The following ANKS1B variants were observed in gnomAD, a reference collection of about 807,000 sequenced individuals.
ANKS1B encodes ankyrin repeat and sterile alpha motif domain containing 1B, also known as ankyrin repeat and sterile alpha motif domain-containing protein 1B.
Under a neutral mutation model 148.3 loss-of-function variants are expected in ANKS1B, and 36 were observed. That is an observed-to-expected ratio of 0.24 (90% CI 0.19 to 0.32). The LOEUF (loss-of-function observed/expected upper bound fraction) is 0.32. ANKS1B is among the 10% of genes least tolerant of loss of function. The probability of loss-of-function intolerance (pLI) is 1.00; values close to 1 mark genes in which losing one functional copy is unlikely to be tolerated. For synonymous variants in ANKS1B, 542 were observed against 560.8 expected, an observed-to-expected ratio of 0.97 and a Z score of 0.47; for missense variants, 1,157 against 1,542.6, an observed-to-expected ratio of 0.75 and a Z score of 4.19.
chr12:99,836,210 GAC>G (rs1380605644), intron 1 of ANKS1B, among the ~76,000 whole-genome samples: 4 of 152,030 alleles, frequency 2.6e-5, no homozygotes, highest in Admixed American at 6.6e-5. Context: ...AACACATACA[GAC>G]ACATACACAC....
At chr12:99,225,677 T>C (rs1601839697) in intron 14 of ANKS1B, among the ~76,000 whole-genome samples, 1 of 152,248 alleles carries the variant, frequency 6.6e-6, no homozygotes, top group Non-Finnish European at 1.5e-5. Context: ...GAATGCTTCC[T>C]GCCCTGAAAC....
At chr12:99,678,236 C>T (rs1226207889) in intron 8 of ANKS1B, among the ~76,000 whole-genome samples, 1 of 152,148 alleles carries the variant, frequency 6.6e-6, no homozygotes, top group African/African-American at 2.4e-5. Context: ...TGTTAAATTA[C>T]AAAATGATAC....
chr12:99,073,726 G>C (rs2046975469), intron 16 of ANKS1B, among the ~76,000 whole-genome samples: 1 of 152,134 alleles, frequency 6.6e-6, no homozygotes. Context: ...TAAAAGGAAG[G>C]CCGATTTTAT....
chr12:98,738,425 G>A (rs992979200), intron 9 of ANKS1B, among the ~76,000 whole-genome samples: 40 of 152,248 alleles, frequency 2.6e-4, no homozygotes, highest in African/African-American at 9.6e-4. Context: ...CAGAGCAACC[G>A]ATCAAACTGG....
At chr12:99,487,659 ATTG>A (rs2096510281) in intron 10 of ANKS1B, among the ~76,000 whole-genome samples, 1 of 151,850 alleles carries the variant, frequency 6.6e-6, no homozygotes, top group Non-Finnish European at 1.5e-5. Flanking sequence ...TATATTTTTT[ATTG>A]TTGATTCATA....
intron 17 of ANKS1B, among the ~76,000 whole-genome samples, chr12:98,993,727 G>C (rs1408898684): frequency 6.6e-6 from 1 of 152,098 alleles, no homozygotes; most frequent in Non-Finnish European, 1.5e-5. Context: ...TCAATTCTTT[G>C]GCTAAATGCT....
At chr12:98,910,240 T>C (rs1368458488) in intron 17 of ANKS1B, among the ~76,000 whole-genome samples, 4 of 152,212 alleles carry the variant, frequency 2.6e-5, no homozygotes, top group African/African-American at 4.8e-5. Flanking sequence ...CAAATATACA[T>C]ATATATAGAT....
intron 17 of ANKS1B, among the ~76,000 whole-genome samples, chr12:98,854,277 A>G (rs1488780256): frequency 6.6e-6 from 1 of 152,278 alleles, no homozygotes; most frequent in African/African-American, 2.4e-5. Context: ...GGGTGGGAAT[A>G]GAAACTACTC....
At chr12:99,146,558 T>G (rs1601013924) in intron 15 of ANKS1B, among the ~76,000 whole-genome samples, 1 of 152,120 alleles carries the variant, frequency 6.6e-6, no homozygotes, top group Non-Finnish European at 1.5e-5. Flanking sequence ...TATACTCTAG[T>G]CGGCTTGGTT....
At chr12:98,785,583 G>A (rs1186307242) in intron 22 of ANKS1B, among the ~76,000 whole-genome samples, 1 of 152,198 alleles carries the variant, frequency 6.6e-6, no homozygotes, top group African/African-American at 2.4e-5. Flanking sequence ...ATTTCATGAA[G>A]GCTTTACAGG....
intron 10 of ANKS1B, among the ~76,000 whole-genome samples, chr12:99,498,957 T>C (rs1319811786): frequency 6.6e-6 from 1 of 152,200 alleles, no homozygotes; most frequent in Non-Finnish European, 1.5e-5. Flanking sequence ...GGACTAGTCA[T>C]AGCAGTTGAG....
chr12:99,012,751 T>G (rs61369950), intron 17 of ANKS1B, among the ~76,000 whole-genome samples: 5,209 of 152,266 alleles, frequency 0.034, 320 homozygotes, highest in African/African-American at 0.12. Flanking sequence ...AGTTTTACTA[T>G]GATATTCATC....
intron 14 of ANKS1B, among the ~76,000 whole-genome samples, chr12:99,183,913 T>A (rs1173592535): frequency 6.6e-6 from 1 of 152,170 alleles, no homozygotes; most frequent in Non-Finnish European, 1.5e-5. Flanking sequence ...TAATATTATA[T>A]ACAAAGGAGG....
intron 17 of ANKS1B, among the ~76,000 whole-genome samples, chr12:98,837,339 A>G (rs1346249118): frequency 1.4e-5 from 1 of 69,794 alleles, no homozygotes; most frequent in Non-Finnish European, 3.5e-5. Flanking sequence ...TCTGTCTCAG[A>G]AAAAAAAAAA....
chr12:99,782,427 T>C (rs530408048), intron 4 of ANKS1B, among the ~76,000 whole-genome samples: 2 of 152,154 alleles, frequency 1.3e-5, no homozygotes, highest in East Asian at 3.9e-4. Flanking sequence ...CAGGTGGTGG[T>C]ATGTGCCTGT....
intron 17 of ANKS1B, among the ~76,000 whole-genome samples, chr12:98,947,742 C>T (rs543003967): frequency 8.5e-5 from 13 of 152,254 alleles, no homozygotes; most frequent in African/African-American, 1.4e-4. Context: ...AAGTGATGAC[C>T]GTTCTGTCCT....
At chr12:99,881,628 A>G (rs2092500831) in intron 1 of ANKS1B, among the ~76,000 whole-genome samples, 1 of 152,150 alleles carries the variant, frequency 6.6e-6, no homozygotes, top group Non-Finnish European at 1.5e-5. Flanking sequence ...CCTAACAAAG[A>G]CTTGAGAAAT....
intron 8 of ANKS1B, among the ~76,000 whole-genome samples, chr12:99,752,194 A>G (rs2061166380): frequency 6.6e-6 from 1 of 151,996 alleles, no homozygotes; most frequent in Admixed American, 6.6e-5. Flanking sequence ...ACTGATTAAA[A>G]TATAGCTATT....
chr12:98,820,330 G>A (rs2153659732), intron 19 of ANKS1B, among the ~76,000 whole-genome samples: 1 of 152,296 alleles, frequency 6.6e-6, no homozygotes, highest in Middle Eastern at 3.4e-3. Context: ...TTATAAAGCT[G>A]TACTAATCAG....
Sources: allele counts gnomAD v4.1 joint callset (sites outside exome capture counted in the v4.1 genomes callset), GRCh38; gene constraint gnomAD v4.1.1; transcripts MANE v1.5; gene names NCBI Gene and HGNC (gene_info 2026-07-23, HGNC 2026-07-21).